The following NRXN3 variants were observed in gnomAD, a reference collection of about 807,000 sequenced individuals.
NRXN3 encodes neurexin 3.
A neutral mutation model predicts 137.6 loss-of-function variants in NRXN3; 32 were observed. That is an observed-to-expected ratio of 0.23 (90% CI 0.18 to 0.31). The LOEUF is 0.31. NRXN3 is among the 10% of genes least tolerant of loss of function. The pLI is 1.00. For synonymous variants in NRXN3, 798 were observed against 784.5 expected (o/e 1.02, Z -0.29); for missense variants, 1,574 against 2,062.5 (o/e 0.76, Z 4.59).
chr14:79,740,767 T>A (rs186891179), intron 19 of NRXN3, among the ~76,000 whole-genome samples: 2,402 of 110,234 alleles, frequency 0.022, 202 homozygotes, highest in African/African-American at 0.08. Context: ...TATATATATA[T>A]AACCTTACTT....
At chr14:79,006,217 C>T (rs993933210) in intron 15 of NRXN3, among the ~76,000 whole-genome samples, 1 of 113,706 alleles carries the variant, frequency 8.8e-6, no homozygotes, top group East Asian at 2.2e-4. Flanking sequence ...ATAAACAGAC[C>T]CTAGTGCAAT....
intron 15 of NRXN3, among the ~76,000 whole-genome samples, chr14:79,385,393 C>T (rs969731948): frequency 6.6e-6 from 1 of 151,904 alleles, no homozygotes; most frequent in South Asian, 2.1e-4. Context: ...ATGAACTCAT[C>T]ATTTTTTATG....
At chr14:78,401,822 T>C (rs1329537266) in intron 4 of NRXN3, among the ~76,000 whole-genome samples, 2 of 152,218 alleles carry the variant, frequency 1.3e-5, no homozygotes, top group Non-Finnish European at 2.9e-5. Context: ...CTATTCATTA[T>C]AGTTAAAAAG....
intron 16 of NRXN3, among the ~76,000 whole-genome samples, chr14:79,601,200 G>A (rs1438731496): frequency 1.3e-5 from 2 of 151,766 alleles, no homozygotes; most frequent in African/African-American, 2.4e-5. Context: ...ACGCCACCAC[G>A]CCCAACTAAT....
intron 1 of NRXN3, among the ~76,000 whole-genome samples, chr14:78,210,433 G>C (rs537863822): frequency 1.3e-5 from 2 of 152,204 alleles, no homozygotes; most frequent in South Asian, 4.2e-4. Flanking sequence ...ACTTAGGTGG[G>C]GGAATGTGAG....
At chr14:79,639,208 A>G (rs1010611660) in intron 16 of NRXN3, among the ~76,000 whole-genome samples, 8 of 152,232 alleles carry the variant, frequency 5.3e-5, no homozygotes, top group African/African-American at 1.7e-4. Flanking sequence ...TGGACAGATT[A>G]GCAATTATGA....
At chr14:78,981,004 A>G (rs933840021) in intron 14 of NRXN3, among the ~76,000 whole-genome samples, 35 of 152,100 alleles carry the variant, frequency 2.3e-4, no homozygotes, top group African/African-American at 8.2e-4. Context: ...AATAATGACA[A>G]TGATAAAAAA....
At chr14:78,586,962 G>A (rs1002537903) in intron 4 of NRXN3, among the ~76,000 whole-genome samples, 2 of 152,172 alleles carry the variant, frequency 1.3e-5, no homozygotes, top group Admixed American at 6.5e-5. Context: ...TGCTGGAGAA[G>A]GATCTTGATA....
chr14:79,759,626 A>G (rs2099031615), intron 19 of NRXN3, among the ~76,000 whole-genome samples: 1 of 151,726 alleles, frequency 6.6e-6, no homozygotes, highest in South Asian at 2.1e-4. Flanking sequence ...TATTTCTAGT[A>G]AAGTATTTAA....
chr14:79,158,325 C>G (rs1243965308), intron 15 of NRXN3, among the ~76,000 whole-genome samples: 2 of 151,762 alleles, frequency 1.3e-5, no homozygotes, highest in Non-Finnish European at 2.9e-5. Context: ...AAGTACCATT[C>G]CTGAATATCT....
At chr14:78,892,774 C>CTCTG (rs374188630) in intron 10 of NRXN3, among the ~76,000 whole-genome samples, 1 of 140,068 alleles carries the variant, frequency 7.1e-6, no homozygotes, top group African/African-American at 2.6e-5. Context: ...CCCCCATCTT[C>CTCTG]TGTGTGTGTG....
chr14:78,540,091 G>A (rs963001435), intron 4 of NRXN3, among the ~76,000 whole-genome samples: 2 of 152,170 alleles, frequency 1.3e-5, no homozygotes, highest in African/African-American at 4.8e-5. Context: ...CTGTTGATGT[G>A]GGGTGGAGAG....
chr14:78,410,350 A>G lies in NRXN3; in HGVS notation c.757+112490A>G, dbSNP rs10139945. 7.7e-3 allele frequency among the ~76,000 whole-genome samples: 1,173 copies of G among 152,330 alleles called. 11 individuals carry two copies. Among genetic ancestry groups the G allele is most frequent in the African/African-American group, 0.027 (1,119 of 41,576 alleles). On this transcript the variant is annotated intron_variant, in intron 4 of 20. Coordinates refer to ENST00000335750, the MANE Select transcript of NRXN3 (RefSeq NM_001330195.2). ...GCGTGGTCCCTCCAGGGCTAACAGCATCTATAATACCTATGTTTCCTTATT... is the reference window on the plus strand; with the variant it reads ...GCGTGGTCCCTCCAGGGCTAACAGCGTCTATAATACCTATGTTTCCTTATT...
intron 16 of NRXN3, among the ~76,000 whole-genome samples, chr14:79,523,465 TA>T (rs1157811033): frequency 6.6e-6 from 1 of 151,866 alleles, no homozygotes; most frequent in African/African-American, 2.4e-5. Flanking sequence ...CCTGAAAATG[TA>T]GTGATGGAAA....
At chr14:79,589,969 T>C (rs1008656885) in intron 16 of NRXN3, among the ~76,000 whole-genome samples, 3 of 152,166 alleles carry the variant, frequency 2.0e-5, no homozygotes, top group Non-Finnish European at 4.4e-5. Flanking sequence ...GGCAGAAACA[T>C]GAGTAATAGC....
chr14:79,530,031 G>C (rs2097155820), intron 16 of NRXN3, among the ~76,000 whole-genome samples: 1 of 152,136 alleles, frequency 6.6e-6, no homozygotes, highest in Non-Finnish European at 1.5e-5. Context: ...GTCCAGAATG[G>C]AGGTAGGAGG....
intron 6 of NRXN3, among the ~76,000 whole-genome samples, chr14:78,693,150 A>C (rs2098189873): frequency 6.6e-6 from 1 of 152,006 alleles, no homozygotes; most frequent in South Asian, 2.1e-4. Flanking sequence ...AGTTCTTGGC[A>C]CTTAGTATCT....
At chr14:79,623,015 A>G (rs1348420537) in intron 16 of NRXN3, among the ~76,000 whole-genome samples, 1 of 152,246 alleles carries the variant, frequency 6.6e-6, no homozygotes, top group East Asian at 1.9e-4. Context: ...ATTTTAAGTG[A>G]TATTGGCAAA....
intron 4 of NRXN3, among the ~76,000 whole-genome samples, chr14:78,497,742 T>A (rs139507906): frequency 0.011 from 1,690 of 152,288 alleles, 15 homozygotes; most frequent in Middle Eastern, 0.031. Flanking sequence ...ATATAGGCTG[T>A]ATGTAGCCTC....
Sources: allele counts gnomAD v4.1 joint callset (sites outside exome capture counted in the v4.1 genomes callset), GRCh38; gene constraint gnomAD v4.1.1; transcripts MANE v1.5; gene names NCBI Gene and HGNC (gene_info 2026-07-23, HGNC 2026-07-21).